The following KAZN variants were observed in gnomAD, a reference collection of about 807,000 sequenced individuals.
The protein encoded by KAZN is kazrin, periplakin interacting protein.
Under a neutral mutation model 87.4 loss-of-function variants are expected in KAZN, and 40 were observed. The ratio of observed to expected loss-of-function variants is 0.46; its 90% confidence interval spans 0.36 to 0.60. KAZN has a LOEUF of 0.60. KAZN is among the 20% of genes least tolerant of loss of function. KAZN has a pLI of 0.00. For missense variants in KAZN, 898 were observed against 1,073.9 expected, an observed-to-expected ratio of 0.84 and a Z score of 2.29; for synonymous variants, 466 against 458.3, an observed-to-expected ratio of 1.02 and a Z score of -0.22.
At chr1:14,418,879 A>C (rs1002261761) in intron 2 of KAZN, among the ~76,000 whole-genome samples, 1 of 152,186 alleles carries the variant, frequency 6.6e-6, no homozygotes, top group Non-Finnish European at 1.5e-5. Context: ...GTGCAAATGA[A>C]AATAAGGCTT....
At chr1:14,286,664 T>C (rs1653276608) in intron 2 of KAZN, among the ~76,000 whole-genome samples, 1 of 152,216 alleles carries the variant, frequency 6.6e-6, no homozygotes, top group Admixed American at 6.5e-5. Context: ...GCTATGCAGC[T>C]TCCAGAAGAA....
intron 2 of KAZN, among the ~76,000 whole-genome samples, chr1:14,389,138 A>T (rs1472224883): frequency 6.6e-6 from 1 of 152,226 alleles, no homozygotes; most frequent in Admixed American, 6.5e-5. Flanking sequence ...ATGCAAATCA[A>T]AACTACAATG....
intron 1 of KAZN, among the ~76,000 whole-genome samples, chr1:13,996,389 C>G (rs1108860): frequency 6.6e-6 from 1 of 152,016 alleles, no homozygotes; most frequent in African/African-American, 2.4e-5. Flanking sequence ...TTGAGCTCCT[C>G]GAGGGAGGAG....
intron 1 of KAZN, among the ~76,000 whole-genome samples, chr1:14,794,769 GGTGTGTCT>G (rs1645781812): frequency 6.6e-6 from 1 of 152,130 alleles, no homozygotes; most frequent in Admixed American, 6.5e-5. Flanking sequence ...ATTGTTTCTG[GGTGTGTCT>G]GTGAGGCTGT....
intron 1 of KAZN, among the ~76,000 whole-genome samples, chr1:14,116,642 CT>C (rs1165519030): frequency 2.6e-5 from 4 of 152,308 alleles, no homozygotes; most frequent in African/African-American, 7.2e-5. Flanking sequence ...CATGGAGTCC[CT>C]ACTGGGATGC....
At chr1:15,031,560 G>T (rs1394669552) in intron 2 of KAZN, among the ~76,000 whole-genome samples, 1 of 138,232 alleles carries the variant, frequency 7.2e-6, no homozygotes, top group African/African-American at 3.5e-5. Flanking sequence ...AGGGTGTGTT[G>T]TGTTGTGTTG....
chr1:14,880,839 G>A (rs1172506586), intron 1 of KAZN, among the ~76,000 whole-genome samples: 6 of 152,172 alleles, frequency 3.9e-5, no homozygotes, highest in Non-Finnish European at 7.3e-5. Context: ...AAGTCACATG[G>A]CATCACATCT....
At chr1:13,919,364 T>C (rs922297199) in intron 1 of KAZN, among the ~76,000 whole-genome samples, 1 of 152,248 alleles carries the variant, frequency 6.6e-6, no homozygotes, top group Admixed American at 6.5e-5. Context: ...GATTTCTCCA[T>C]GTTGTGTGCA....
intron 2 of KAZN, among the ~76,000 whole-genome samples, chr1:14,254,553 AC>A (rs1265697934): frequency 6.6e-6 from 1 of 152,198 alleles, no homozygotes; most frequent in Non-Finnish European, 1.5e-5. Flanking sequence ...TGGTCAAAAT[AC>A]AGCCCCTTAA....
chr1:14,907,045 C>T (rs1656668432), intron 1 of KAZN, among the ~76,000 whole-genome samples: 1 of 151,812 alleles, frequency 6.6e-6, no homozygotes. Flanking sequence ...CCAGCAGCAT[C>T]AGCAACTCCT....
At chr1:14,580,925 G>A (rs893720230) in intron 2 of KAZN, among the ~76,000 whole-genome samples, 7 of 152,092 alleles carry the variant, frequency 4.6e-5, no homozygotes, top group South Asian at 4.2e-4. Flanking sequence ...CACGGCTTTC[G>A]GGACACCACT....
At chr1:14,811,413 G>A (rs1428099584) in intron 1 of KAZN, among the ~76,000 whole-genome samples, 1 of 152,186 alleles carries the variant, frequency 6.6e-6, no homozygotes, top group Non-Finnish European at 1.5e-5. Context: ...TCAGACAAAC[G>A]CTGTAAATAC....
At chr1:14,987,143 A>C (rs1433793682) in intron 2 of KAZN, among the ~76,000 whole-genome samples, 1 of 152,138 alleles carries the variant, frequency 6.6e-6, no homozygotes, top group Admixed American at 6.5e-5. Context: ...ACTATGAAGG[A>C]TTCAAATGGG....
intron 1 of KAZN, among the ~76,000 whole-genome samples, chr1:14,830,350 G>C (rs2100872956): frequency 6.6e-6 from 1 of 152,292 alleles, no homozygotes. Flanking sequence ...GGCCCAACTT[G>C]GGTGACGTGT....
intron 1 of KAZN, among the ~76,000 whole-genome samples, chr1:14,613,713 G>A (rs1218615076): frequency 6.6e-6 from 1 of 152,218 alleles, no homozygotes; most frequent in Non-Finnish European, 1.5e-5. Flanking sequence ...TTGGAGATGT[G>A]TGGATTTTGG....
At chr1:14,419,489 C>A (rs866403521) in intron 2 of KAZN, among the ~76,000 whole-genome samples, 2 of 152,220 alleles carry the variant, frequency 1.3e-5, no homozygotes, top group African/African-American at 4.8e-5. Flanking sequence ...CTTCCCTGGA[C>A]TTACCAGAGT....
At chr1:14,253,424 T>C (rs1010575959) in intron 2 of KAZN, among the ~76,000 whole-genome samples, 3 of 152,234 alleles carry the variant, frequency 2.0e-5, no homozygotes, top group Non-Finnish European at 4.4e-5. Flanking sequence ...AATAGCTATT[T>C]CTTCTTAAGT....
chr1:14,120,414 G>T (rs1490700899), intron 1 of KAZN, among the ~76,000 whole-genome samples: 1 of 152,014 alleles, frequency 6.6e-6, no homozygotes, highest in East Asian at 1.9e-4. Flanking sequence ...CTCCCACCAG[G>T]CCCCACCTCC....
chr1:14,537,654 C>T (rs959675288), intron 2 of KAZN, among the ~76,000 whole-genome samples: 2 of 152,204 alleles, frequency 1.3e-5, no homozygotes, highest in Non-Finnish European at 2.9e-5. Flanking sequence ...GTTCCCCCTA[C>T]CTCGCCAGGT....
Sources: gnomAD v4.1 joint callset for allele counts (sites outside exome capture counted in the v4.1 genomes callset) on GRCh38, gnomAD v4.1.1 for gene constraint, MANE v1.5 for transcripts, NCBI Gene and HGNC (gene_info 2026-07-23, HGNC 2026-07-21) for gene names.